Variants in KIF5B observed in about 807,000 individuals in gnomAD.
KIF5B encodes kinesin-1 heavy chain.
In KIF5B, 49 loss-of-function variants were observed where a neutral mutation model predicts 132.8. The observed-to-expected ratio is 0.37, with a 90% confidence interval of 0.29 to 0.47. The LOEUF (loss-of-function observed/expected upper bound fraction) is 0.47, where lower values mean the gene tolerates loss of function less well. Among genes scored for constraint, KIF5B ranks in the 20% least tolerant of loss-of-function variants. The pLI is 1.00. For synonymous variants in KIF5B, 355 were observed against 369.4 expected, an observed-to-expected ratio of 0.96 and a Z score of 0.45; for missense variants, 780 against 1,144.0, an observed-to-expected ratio of 0.68 and a Z score of 4.59.
chr10:32,020,797 T>C (rs555114527), intron 19 of KIF5B, among the ~76,000 whole-genome samples: 10 of 152,106 alleles, frequency 6.6e-5, no homozygotes, highest in Non-Finnish European at 1.5e-4. Flanking sequence ...TAGACTTAGG[T>C]TGGGGATTTT....
At chr10:32,037,880 G>A (rs1841481410) in intron 6 of KIF5B, among the ~76,000 whole-genome samples, 1 of 152,008 alleles carries the variant, frequency 6.6e-6, no homozygotes, top group Non-Finnish European at 1.5e-5. Flanking sequence ...GGGAGGCAGA[G>A]GCGGGCGGAT....
chr10:32,017,987 C>A lies in KIF5B; in HGVS notation c.2544+65G>T, dbSNP rs59204056. On this transcript the variant is annotated intron_variant, in intron 23 of 25. Transcript: ENST00000302418. ...GGACTCTGAAAGATTGAAATACTCA[C>A]TTGCCAATCCTCAATTTTTGATTTT... 3,708 of 804,646 alleles carry A rather than the reference C, an allele frequency of 4.6e-3. 78 individuals are homozygous for A. In the African/African-American group the frequency reaches 0.052, roughly 11 times the overall value. The allele number at this position is 804,646 out of a possible 1,614,324, so 49.8% of individuals were successfully genotyped here. A position where few individuals can be genotyped will look rare whatever the true frequency, so the allele number is the denominator to read the frequency against.
intron 13 of KIF5B, among the ~76,000 whole-genome samples, chr10:32,032,288 C>CTA (rs1156566824): frequency 6.6e-6 from 1 of 152,074 alleles, no homozygotes; most frequent in East Asian, 1.9e-4. Flanking sequence ...ATATGAAATG[C>CTA]TATAGTTGAA....
chr10:32,040,589 C>T, intron 2 of KIF5B, 132 bp from the exon 3 acceptor site: 1 of 607,022 alleles, frequency 1.6e-6, no homozygotes. Context: ...AGGAAAATAT[C>T]AGATGTTTAT....
Position 32,011,192 on chromosome 10 carries a change from C to T in KIF5B, c.*345G>A, listed in dbSNP as rs2132570351. Reference sequence around the variant, plus strand: ...AAAAAATAAACATACACAAAAAATACAAAAAGTACAGTCCTATAAGGTACA... The same window carrying T: ...AAAAAATAAACATACACAAAAAATATAAAAAGTACAGTCCTATAAGGTACA... On this transcript the variant is annotated 3_prime_UTR_variant, in exon 26 of 26. Coordinates refer to ENST00000302418, the MANE Select transcript of KIF5B (RefSeq NM_004521.3). 1 of 152,458 alleles carries T rather than the reference C, an allele frequency of 6.6e-6. No homozygotes were observed. Among genetic ancestry groups the T allele is most frequent in the South Asian group, 2.1e-4 (1 of 4,814 alleles). The allele number at this position is 152,458 out of a possible 1,614,324, so 9.4% of individuals were successfully genotyped here. A position where few individuals can be genotyped will look rare whatever the true frequency, so the allele number is the denominator to read the frequency against.
chr10:32,036,230 T>A (rs1163439495), intron 8 of KIF5B, among the ~76,000 whole-genome samples: 1 of 152,168 alleles, frequency 6.6e-6, no homozygotes, highest in Non-Finnish European at 1.5e-5. Flanking sequence ...AATAACCAAT[T>A]TAAATGTAAA....
rs1316658574 is a variant in KIF5B at position 32,031,085 on chromosome 10, C to A, written c.1569G>T (p.Leu523Phe). Residue 523 changes from leucine (L) to phenylalanine (F), a missense_variant, in exon 14 of 26, where the codon TTG (leucine) becomes TTT (phenylalanine). Transcript: ENST00000302418. ...AACTATATCCTACCGATTTCTGATT[C>A]AATTCATCACTAAGCAATTCATATT... ...TKEYELLSDELNQKSATLASI... is the reference protein window; with the variant it reads ...TKEYELLSDEFNQKSATLASI... 1 of 1,610,028 alleles carries A rather than the reference C, an allele frequency of 6.2e-7. No homozygotes were observed. The highest frequency in any genetic ancestry group is 2.2e-5 in the East Asian group (1 of 44,854).
At chr10:32,048,013 T>C (rs752363536) in intron 2 of KIF5B, among the ~76,000 whole-genome samples, 4 of 152,264 alleles carry the variant, frequency 2.6e-5, no homozygotes, top group Non-Finnish European at 4.4e-5. Context: ...TTCTCACCCT[T>C]GGCAACCCTT....
chr10:32,037,769 GTTGCAGT>G (rs1841480187), intron 6 of KIF5B, among the ~76,000 whole-genome samples, 162 bp from the exon 7 acceptor site: 1 of 152,102 alleles, frequency 6.6e-6, no homozygotes, highest in African/African-American at 2.4e-5. Flanking sequence ...GGAGGCAAAG[GTTGCAGT>G]GAGCCGAGAC....
chr10:32,032,825 T>C (rs764098488), intron 12 of KIF5B, 51 bp from the exon 13 acceptor site: 16 of 1,386,350 alleles, frequency 1.2e-5, no homozygotes, highest in Non-Finnish European at 1.4e-5. Context: ...CTGGTTCTAG[T>C]TGTTTCCCAA....
intron 14 of KIF5B, among the ~76,000 whole-genome samples, chr10:32,030,102 A>G (rs1206103917): frequency 6.6e-6 from 1 of 152,240 alleles, no homozygotes; most frequent in Non-Finnish European, 1.5e-5. Context: ...ATTAACCACA[A>G]CAAAACCACA....
At chr10:32,022,439 T>C (rs1034839312) in intron 16 of KIF5B, among the ~76,000 whole-genome samples, 182 bp from the exon 17 acceptor site, 5 of 152,232 alleles carry the variant, frequency 3.3e-5, no homozygotes, top group African/African-American at 1.2e-4. Flanking sequence ...TGATCATAAC[T>C]TGCAAACTAA....
chr10:32,036,990 T>C (rs1342615705), intron 8 of KIF5B, among the ~76,000 whole-genome samples: 1 of 152,180 alleles, frequency 6.6e-6, no homozygotes, highest in Non-Finnish European at 1.5e-5. Context: ...TAACAACATA[T>C]GCTGAACCAG....
At position 32,024,158 on chromosome 10, in the gene KIF5B, T is replaced by C. The variant is rs1425428262; in HGVS notation, c.1726-1122A>G. ...CATATGAAGAACTCTTTTTTTTTTT[T>C]TTTTTTTTTTTTTTGAGACGGAGTC... On this transcript the variant is annotated intron_variant, in intron 15 of 25. Transcript: ENST00000302418. Among the ~76,000 whole-genome samples, 483 of 125,264 alleles carry C rather than the reference T, an allele frequency of 3.9e-3. 2 individuals carry two copies. Among genetic ancestry groups the C allele is most frequent in the Non-Finnish European group, 6.5e-3 (383 of 58,956 alleles). 82.2% of individuals were successfully genotyped at this position (125,264 alleles called of 152,430 possible).
intron 1 of KIF5B, among the ~76,000 whole-genome samples, chr10:32,049,172 G>C (rs572775370): frequency 6.6e-6 from 1 of 152,154 alleles, no homozygotes; most frequent in Non-Finnish European, 1.5e-5. Flanking sequence ...AAATACTTAT[G>C]GAATGTGAGA....
chr10:32,045,774 C>A (rs1024629669), intron 2 of KIF5B, among the ~76,000 whole-genome samples: 2 of 151,990 alleles, frequency 1.3e-5, no homozygotes, highest in African/African-American at 2.4e-5. Context: ...GAGTCATGCA[C>A]CATCACTTGA....
At chr10:32,020,381 T>TA (rs978994766) in intron 19 of KIF5B, among the ~76,000 whole-genome samples, 1,714 of 141,352 alleles carry the variant, frequency 0.012, 30 homozygotes, top group African/African-American at 0.034. Flanking sequence ...GATGACAACT[T>TA]AAAAAAAAAA....
At chr10:32,022,794 A>G (rs1489571549) in intron 16 of KIF5B, 54 bp downstream of exon 16, 8 of 1,308,450 alleles carry the variant, frequency 6.1e-6, no homozygotes, top group Non-Finnish European at 8.4e-6. Context: ...ATAATAAATA[A>G]AATTTCTATG....
At position 32,048,520 on chromosome 10, in the gene KIF5B, TG is replaced by T; in HGVS notation, c.157del (p.Gln53SerfsTer59). 6.2e-7 allele frequency: 1 copy of T among 1,613,768 alleles called. No individual in the cohort carries two copies. Among genetic ancestry groups the T allele is most frequent in the Non-Finnish European group, 8.5e-7 (1 of 1,179,850 alleles). On this transcript the variant is annotated frameshift_variant, in exon 2 of 26. Transcript: ENST00000302418. LOFTEE classifies it high-confidence loss of function. ...SKPYAFDRVF[Q>X]SSTSQEQVYN... ...CACTTGCTCTTGAGATGTGCTTGAC[TG>T]GAACACCCGATCAAATGCATAAGGC...
Sources: gnomAD v4.1 joint callset for allele counts (sites outside exome capture counted in the v4.1 genomes callset) on GRCh38, gnomAD v4.1.1 for gene constraint, MANE v1.5 for transcripts, NCBI Gene and HGNC (gene_info 2026-07-23, HGNC 2026-07-21) for gene names.